Variants in PTCHD1 observed in about 807,000 individuals in gnomAD.
PTCHD1 encodes patched domain containing 1.
Under a neutral mutation model 34.6 loss-of-function variants are expected in PTCHD1, and 3 were observed. That is an observed-to-expected ratio of 0.09 (90% confidence interval 0.04 to 0.22). The LOEUF (loss-of-function observed/expected upper bound fraction) is 0.22. Among genes scored for constraint, PTCHD1 ranks in the 10% least tolerant of loss-of-function variants. PTCHD1 has a pLI of 1.00. For missense variants in PTCHD1, 504 were observed against 685.5 expected (o/e 0.74, Z 2.96); for synonymous variants, 305 against 283.1 (o/e 1.08, Z -0.77).
chrX:23,391,377 C>A (rs1922824467), intron 2 of PTCHD1, among the ~76,000 whole-genome samples: 1 of 110,963 alleles, frequency 9.0e-6, no homozygotes, highest in Non-Finnish European at 1.9e-5. Context: ...CAAACAGATC[C>A]CTGAAGACAA....
chrX:23,344,129 A>T, intron 1 of PTCHD1, among the ~76,000 whole-genome samples: 1 of 112,519 alleles, frequency 8.9e-6, no homozygotes, highest in Middle Eastern at 4.2e-3. Context: ...ACAGATCAGC[A>T]GAACACACTT....
intron 1 of PTCHD1, among the ~76,000 whole-genome samples, chrX:23,369,482 A>G (rs781198985): frequency 9.0e-6 from 1 of 111,570 alleles, no homozygotes; most frequent in Non-Finnish European, 1.9e-5. Context: ...CCCAGGATTT[A>G]AATCTGGGCT....
chrX:23,343,068 T>A (rs747011913), intron 1 of PTCHD1, among the ~76,000 whole-genome samples: 1 of 112,446 alleles, frequency 8.9e-6, no homozygotes, highest in South Asian at 3.7e-4. Flanking sequence ...CTTAATAAAT[T>A]GTTACTGGTT....
chrX:23,389,706 C>T (rs184050256), intron 2 of PTCHD1, among the ~76,000 whole-genome samples: 15 of 111,719 alleles, frequency 1.3e-4, no homozygotes, highest in African/African-American at 3.9e-4. Flanking sequence ...GCTGCATGTA[C>T]ACACCTGTAG....
rs368662150 is a variant in PTCHD1 at position 23,379,990 on chromosome X, C to G, written c.751C>G (p.Pro251Ala). The change falls in exon 2 of 3, where the codon CCT (proline) becomes GCT (alanine). Residue 251 changes from proline (P) to alanine (A), a missense_variant. By Grantham distance (27) the Pro-to-Ala change is conservative. Transcript: ENST00000379361. ...ATCCAACAGCAAAGTCAAAATGTACCCTTACACGTCCTCCTCACTGAGGGA... is the reference window on the plus strand; with the variant it reads ...ATCCAACAGCAAAGTCAAAATGTACGCTTACACGTCCTCCTCACTGAGGGA... ...QKSNSKVKMY[P>A]YTSSSLREDF... The G allele has an allele frequency of 4.1e-6, 5 of 1,211,659 alleles. No individual in the cohort carries two copies. The highest frequency in any genetic ancestry group is 2.2e-5 in the Admixed American group (1 of 46,025).
At chrX:23,362,519 C>T (rs1016265356) in intron 1 of PTCHD1, among the ~76,000 whole-genome samples, 1 of 111,968 alleles carries the variant, frequency 8.9e-6, no homozygotes, top group Non-Finnish European at 1.9e-5. Context: ...TCTAGTTAAC[C>T]ATTCATCTAA....
intron 1 of PTCHD1, among the ~76,000 whole-genome samples, chrX:23,358,129 G>A: frequency 8.9e-6 from 1 of 111,815 alleles, no homozygotes; most frequent in Non-Finnish European, 1.9e-5. Context: ...ACGGGTGCAT[G>A]TGTCTTTATA....
At chrX:23,386,191 A>C (rs1767158750) in intron 2 of PTCHD1, among the ~76,000 whole-genome samples, 1 of 111,921 alleles carries the variant, frequency 8.9e-6, no homozygotes. Flanking sequence ...ATACTTATAC[A>C]CACTGGTCTT....
chrX:23,344,642 T>C (rs1159941045), intron 1 of PTCHD1, among the ~76,000 whole-genome samples: 1 of 111,731 alleles, frequency 9.0e-6, no homozygotes, highest in Non-Finnish European at 1.9e-5. Context: ...AGAAAGTTCT[T>C]AGGCAGGCAG....
chrX:23,339,972 CACCCA>C (rs922418997), intron 1 of PTCHD1, among the ~76,000 whole-genome samples: 22 of 111,800 alleles, frequency 2.0e-4, no homozygotes, highest in African/African-American at 7.1e-4. Flanking sequence ...GCTGACTGTG[CACCCA>C]CCCAGGGGAC....
At chrX:23,343,474 C>G (rs1013049359) in intron 1 of PTCHD1, among the ~76,000 whole-genome samples, 2 of 111,718 alleles carry the variant, frequency 1.8e-5, no homozygotes, top group African/African-American at 6.5e-5. Flanking sequence ...AGAAAAGTCT[C>G]AAAACATTGG....
At chrX:23,392,041 CTTT>C (rs1456668806) in intron 2 of PTCHD1, among the ~76,000 whole-genome samples, 79 of 74,347 alleles carry the variant, frequency 1.1e-3, no homozygotes, top group East Asian at 7.8e-3. Flanking sequence ...CATTTTCTTT[CTTT>C]TTTTTTCTTT....
rs1922466195 is a variant in PTCHD1 at position 23,378,393 on chromosome X, C to CA, written c.352-1197dup. ...GTAGCTCATTTAACTCCCTTACTCC[C>CA]ACCACACCCCTCGACTACCTTGTTT... On this transcript the variant is annotated intron_variant, in intron 1 of 2. Coordinates refer to ENST00000379361, the MANE Select transcript of PTCHD1 (RefSeq NM_173495.3). Among the ~76,000 whole-genome samples, 3 of 112,164 alleles carry CA rather than the reference C, an allele frequency of 2.7e-5. No individual in the cohort carries two copies. In the South Asian group the frequency reaches 1.1e-3, roughly 42 times the overall value.
chrX:23,391,153 G>A (rs892236255), intron 2 of PTCHD1, among the ~76,000 whole-genome samples: 3 of 111,453 alleles, frequency 2.7e-5, no homozygotes, highest in African/African-American at 9.8e-5. Context: ...GCAGAATGGA[G>A]TTTAGAACAT....
At chrX:23,356,253 G>A (rs1921799270) in intron 1 of PTCHD1, among the ~76,000 whole-genome samples, 1 of 111,914 alleles carries the variant, frequency 8.9e-6, no homozygotes, top group Admixed American at 9.5e-5. Context: ...CTGGGAGCGG[G>A]GATATAACAA....
Position 23,369,458 on chromosome X carries a change from G to T in PTCHD1, c.352-10133G>T, listed in dbSNP as rs759828680. On this transcript the variant is annotated intron_variant, in intron 1 of 2. Coordinates refer to ENST00000379361, the MANE Select transcript of PTCHD1 (RefSeq NM_173495.3). ...TTTTCCAGAAGAACTCTCATTAGGG[G>T]ACAATTTTCTGAGCCCAGGATTTAA... Among the ~76,000 whole-genome samples, 17 of 111,424 alleles carry T rather than the reference G, an allele frequency of 1.5e-4. No individual in the cohort carries two copies. The South Asian group carries it at 6.5e-3, about 43-fold the overall frequency.
Position 23,394,409 on chromosome X carries a change from G to GACACACAC in PTCHD1, c.*259_*266dup, listed in dbSNP as rs34539351. On this transcript the variant is annotated 3_prime_UTR_variant, in exon 3 of 3. Transcript: ENST00000379361. ...TGTTATGAGAATTCACACACACATA[G>GACACACAC]ACACACACACACACACACACACACA... The GACACACAC allele has an allele frequency of 0.03, 5,960 of 197,829 alleles. 91 individuals are homozygous for GACACACAC. Among genetic ancestry groups the GACACACAC allele is most frequent in the African/African-American group, 0.053 (1,452 of 27,252 alleles). The allele number at this position is 197,829 out of a possible 1,213,427, so 16.3% of individuals were successfully genotyped here. A position where few individuals can be genotyped will look rare whatever the true frequency, so the allele number is the denominator to read the frequency against.
intron 1 of PTCHD1, among the ~76,000 whole-genome samples, chrX:23,341,751 G>A (rs921462064): frequency 8.9e-6 from 1 of 112,406 alleles, no homozygotes; most frequent in Non-Finnish European, 1.9e-5. Context: ...TATTTCTTAC[G>A]GGAAGCCCTG....
intron 1 of PTCHD1, among the ~76,000 whole-genome samples, chrX:23,335,859 C>G (rs1300028861): frequency 3.6e-5 from 4 of 111,832 alleles, no homozygotes; most frequent in African/African-American, 1.3e-4. Context: ...AGGTAGCCAT[C>G]TCTATCTTCT....
Sources: allele counts gnomAD v4.1 joint callset (sites outside exome capture counted in the v4.1 genomes callset), GRCh38; gene constraint gnomAD v4.1.1; transcripts MANE v1.5; gene names NCBI Gene and HGNC (gene_info 2026-07-23, HGNC 2026-07-21).